The following CLEC16A variants were observed in gnomAD, a reference collection of about 807,000 sequenced individuals.
CLEC16A encodes the protein protein CLEC16A.
CLEC16A carries 51 observed loss-of-function variants against 109.5 expected under a neutral mutation model. The observed-to-expected ratio is 0.47, with a 90% confidence interval of 0.37 to 0.59. The LOEUF (loss-of-function observed/expected upper bound fraction) is 0.59, where lower values mean the gene tolerates loss of function less well. CLEC16A is among the 20% of genes least tolerant of loss of function. The pLI is 0.00. For synonymous variants in CLEC16A, 673 were observed against 564.2 expected (o/e 1.19, Z -2.73); for missense variants, 1,339 against 1,394.0 (o/e 0.96, Z 0.63).
At chr16:11,108,849 G>A (rs1055688092) in intron 19 of CLEC16A, among the ~76,000 whole-genome samples, 1 of 152,106 alleles carries the variant, frequency 6.6e-6, no homozygotes, top group Admixed American at 6.5e-5. Flanking sequence ...GGTGGCTCAT[G>A]CCTGTAATCC....
At position 10,974,553 on chromosome 16, in the gene CLEC16A, C is replaced by G. The variant is rs564806432; in HGVS notation, c.728+1492C>G. ...CCAGTAGCACCCCTCCCCAGTCGTA[C>G]CAACCAAAAATGTCCCCAGACATTG... On this transcript the variant is annotated intron_variant, in intron 7 of 23. Coordinates refer to ENST00000409790, the MANE Select transcript of CLEC16A (RefSeq NM_015226.3). Among the ~76,000 whole-genome samples, 4 of 152,262 alleles carry G rather than the reference C, an allele frequency of 2.6e-5. No individual in the cohort carries two copies. In the East Asian group the frequency reaches 5.8e-4, roughly 22 times the overall value.
intron 22 of CLEC16A, chr16:11,156,702 G>T (rs1257501433): frequency 7.7e-7 from 1 of 1,292,424 alleles, no homozygotes; most frequent in Non-Finnish European, 1.0e-6. Context: ...GTGGAAGAGG[G>T]CAGGGGCTGG....
chr16:10,988,481 G>A (rs1252520666), intron 10 of CLEC16A, among the ~76,000 whole-genome samples: 1 of 152,216 alleles, frequency 6.6e-6, no homozygotes, highest in African/African-American at 2.4e-5. Context: ...GATGCCCAGG[G>A]AGGTGTTCGG....
chr16:11,105,384 C>G (rs891794780), intron 19 of CLEC16A, among the ~76,000 whole-genome samples: 16 of 152,180 alleles, frequency 1.1e-4, no homozygotes, highest in African/African-American at 3.9e-4. Flanking sequence ...GTTGCTCATC[C>G]TTAAGTAGAC....
At chr16:11,154,084 A>G (rs1465592165) in intron 22 of CLEC16A, among the ~76,000 whole-genome samples, 16 of 152,248 alleles carry the variant, frequency 1.1e-4, no homozygotes, top group Non-Finnish European at 2.2e-4. Flanking sequence ...GTACACACGC[A>G]CACTCCTGCA....
intron 22 of CLEC16A, among the ~76,000 whole-genome samples, chr16:11,132,334 A>G (rs913877599): frequency 7.9e-5 from 12 of 151,146 alleles, no homozygotes; most frequent in East Asian, 5.8e-4. Context: ...CAATCATACA[A>G]TCCATGGCCT....
At chr16:11,055,807 C>T (rs2048184691) in intron 18 of CLEC16A, among the ~76,000 whole-genome samples, 1 of 151,608 alleles carries the variant, frequency 6.6e-6, no homozygotes. Flanking sequence ...CAGGCTGCTC[C>T]CAAACTCCTG....
intron 22 of CLEC16A, among the ~76,000 whole-genome samples, chr16:11,135,814 C>T (rs1029709374): frequency 1.4e-4 from 21 of 152,400 alleles, no homozygotes; most frequent in Non-Finnish European, 2.8e-4. Flanking sequence ...GTGTCAGTGG[C>T]AGAGCGGGTG....
At chr16:10,995,661 C>T (rs1257071209) in intron 10 of CLEC16A, among the ~76,000 whole-genome samples, 1 of 152,216 alleles carries the variant, frequency 6.6e-6, no homozygotes. Flanking sequence ...ACACTACCCC[C>T]ATGGTGGCGT....
chr16:11,170,424 C>A (rs532130299), intron 23 of CLEC16A, among the ~76,000 whole-genome samples: 2 of 152,240 alleles, frequency 1.3e-5, no homozygotes, highest in African/African-American at 4.8e-5. Flanking sequence ...TTTCCGCCTC[C>A]AGCCTGCGTC....
At position 11,174,426 on chromosome 16, in the gene CLEC16A, A is replaced by G. The variant is rs1175487478; in HGVS notation, c.2807-3909A>G. On this transcript the variant is annotated intron_variant, in intron 23 of 23. Coordinates refer to ENST00000409790, the MANE Select transcript of CLEC16A (RefSeq NM_015226.3). The surrounding 1 kb of genome is among the most constrained non-coding windows in gnomAD (Gnocchi z 4.7). ...AGGCGGCACTTCCCCATTTTCCCCC[A>G]AAGTTGGTTCTCCCTGCTCCCTGTC... is the stretch of plus-strand genomic sequence containing the variant. The G allele has an allele frequency of 5.6e-6, 2 of 354,402 alleles. No individual in the cohort carries two copies. Among genetic ancestry groups the G allele is most frequent in the Admixed American group, 3.5e-5 (1 of 28,330 alleles). 22.0% of individuals were successfully genotyped at this position (354,402 alleles called of 1,614,324 possible).
At chr16:11,060,371 A>G (rs1393052210) in intron 18 of CLEC16A, among the ~76,000 whole-genome samples, 1 of 152,218 alleles carries the variant, frequency 6.6e-6, no homozygotes, top group Non-Finnish European at 1.5e-5. Flanking sequence ...CCTGCAGCCC[A>G]CAGGCATTTC....
At chr16:10,998,449 TG>T (rs2044461276) in intron 10 of CLEC16A, among the ~76,000 whole-genome samples, 1 of 152,206 alleles carries the variant, frequency 6.6e-6, no homozygotes. Flanking sequence ...CTGTGGCATT[TG>T]GGACATGTAG....
intron 22 of CLEC16A, among the ~76,000 whole-genome samples, chr16:11,162,175 C>A (rs762585837): frequency 9.2e-5 from 14 of 152,262 alleles, no homozygotes; most frequent in Non-Finnish European, 1.8e-4. Flanking sequence ...TGGCAGAACA[C>A]GGCCAGAGGG....
intron 20 of CLEC16A, among the ~76,000 whole-genome samples, chr16:11,122,979 C>T (rs1456810424): frequency 7.0e-6 from 1 of 142,790 alleles, no homozygotes; most frequent in African/African-American, 2.6e-5. Flanking sequence ...TCTCGGCTCA[C>T]TGCAACCTCT....
At chr16:11,133,155 A>G (rs1278712054) in intron 22 of CLEC16A, among the ~76,000 whole-genome samples, 6 of 152,078 alleles carry the variant, frequency 3.9e-5, no homozygotes, top group Admixed American at 2.6e-4. Flanking sequence ...CCTGGCCGAC[A>G]TGGCGAAACC....
chr16:11,026,619 G>T (rs927016587), intron 13 of CLEC16A, among the ~76,000 whole-genome samples: 1 of 124,348 alleles, frequency 8.0e-6, no homozygotes, highest in Non-Finnish European at 1.8e-5. Context: ...TGATTTTGTT[G>T]ATTTCTGTTC....
intron 15 of CLEC16A, among the ~76,000 whole-genome samples, chr16:11,043,079 TAC>T (rs34014519): frequency 0.31 from 46,857 of 150,644 alleles, 9,692 homozygotes; most frequent in African/African-American, 0.6. Context: ...TGTATATATA[TAC>T]ACACACACAC....
intron 17 of CLEC16A, among the ~76,000 whole-genome samples, chr16:11,050,202 T>C (rs2152877770): frequency 6.6e-6 from 1 of 152,314 alleles, no homozygotes; most frequent in Non-Finnish European, 1.5e-5. Flanking sequence ...AAAGTCACTC[T>C]CACCATCATT....
Sources: allele counts gnomAD v4.1 joint callset (sites outside exome capture counted in the v4.1 genomes callset), GRCh38; gene constraint gnomAD v4.1.1; non-coding constraint Gnocchi (gnomAD v3.1); transcripts MANE v1.5; gene names NCBI Gene and HGNC (gene_info 2026-07-23, HGNC 2026-07-21).